M1AP: variants seen among roughly 807,000 people sequenced by gnomAD.
M1AP encodes meiosis 1 associated protein, also known as meiosis 1 arrest protein.
Under a neutral mutation model 51.2 loss-of-function variants are expected in M1AP, and 39 were observed. The ratio of observed to expected loss-of-function variants is 0.76; its 90% CI spans 0.59 to 1.00. The LOEUF is 1.00. M1AP is among the 50% of genes least tolerant of loss of function. The pLI, the probability that M1AP is intolerant of heterozygous loss-of-function variation, is 0.00. For synonymous variants in M1AP, 251 were observed against 249.2 expected (o/e 1.01, Z -0.07); for missense variants, 545 against 641.2 (o/e 0.85, Z 1.62).
intron 4 of M1AP, among the ~76,000 whole-genome samples, chr2:74,593,473 C>T (rs1018950063): frequency 6.6e-6 from 1 of 152,146 alleles, no homozygotes; most frequent in African/African-American, 2.4e-5. Context: ...TTCTACCTTC[C>T]AGACTCAAGT....
intron 4 of M1AP, 122 bp downstream of exon 4, chr2:74,606,933 G>A: frequency 1.9e-6 from 1 of 530,908 alleles, no homozygotes; most frequent in Non-Finnish European, 3.1e-6. Flanking sequence ...TAGGGTACAT[G>A]TGCACAACGT....
At chr2:74,560,042 C>T (rs1677797792) in intron 9 of M1AP, 109 bp downstream of exon 9, 2 of 1,256,432 alleles carry the variant, frequency 1.6e-6, no homozygotes, top group South Asian at 2.8e-5. Context: ...GAAGGCTACT[C>T]CCTTGGATGG....
At chr2:74,583,037 A>T (rs1186246988) in intron 4 of M1AP, among the ~76,000 whole-genome samples, 5 of 151,798 alleles carry the variant, frequency 3.3e-5, no homozygotes, top group African/African-American at 7.2e-5. Flanking sequence ...AATAAATAAA[A>T]TAAATAAAAA....
intron 4 of M1AP, among the ~76,000 whole-genome samples, chr2:74,589,958 T>A (rs1679943410): frequency 6.6e-6 from 1 of 152,244 alleles, no homozygotes; most frequent in Non-Finnish European, 1.5e-5. Context: ...TGATAGCTGA[T>A]GAGCTTAAAA....
intron 2 of M1AP, among the ~76,000 whole-genome samples, chr2:74,622,826 C>G (rs13407946): frequency 6.6e-6 from 1 of 150,490 alleles, no homozygotes; most frequent in Non-Finnish European, 1.5e-5. Flanking sequence ...AAAATATGCA[C>G]GATGAGAGGG....
intron 5 of M1AP, among the ~76,000 whole-genome samples, chr2:74,577,499 G>C (rs1573084953): frequency 6.6e-6 from 1 of 152,214 alleles, no homozygotes; most frequent in Admixed American, 6.5e-5. Context: ...TGAGAAGGCT[G>C]GTAGTTGATG....
intron 7 of M1AP, among the ~76,000 whole-genome samples, chr2:74,567,781 T>C (rs1678484228): frequency 6.6e-6 from 1 of 152,256 alleles, no homozygotes. Flanking sequence ...TTGTGGTCTG[T>C]ATTAATCTAA....
chr2:74,580,378 C>G (rs971647284), intron 5 of M1AP, among the ~76,000 whole-genome samples: 1 of 152,174 alleles, frequency 6.6e-6, no homozygotes, highest in Non-Finnish European at 1.5e-5. Context: ...TTGGTACTAT[C>G]AGCCTTGGAC....
chr2:74,572,014 A>AT (rs1678776313), intron 7 of M1AP, among the ~76,000 whole-genome samples: 2 of 151,796 alleles, frequency 1.3e-5, no homozygotes, highest in Non-Finnish European at 2.9e-5. Context: ...AAAAAAAAAA[A>AT]GAAAGAAAAC....
At chr2:74,627,495 C>T (rs191852177) in intron 2 of M1AP, among the ~76,000 whole-genome samples, 3 of 152,240 alleles carry the variant, frequency 2.0e-5, no homozygotes, top group Admixed American at 2.0e-4. Context: ...TGTATCACTA[C>T]ATCAGTGAAA....
intron 7 of M1AP, 43 bp downstream of exon 7, chr2:74,575,389 GTACTTT>G (rs1233409599): frequency 6.2e-7 from 1 of 1,610,346 alleles, no homozygotes; most frequent in Non-Finnish European, 8.5e-7. Context: ...TCTGTGGTTG[GTACTTT>G]AAAAACGATT....
intron 2 of M1AP, among the ~76,000 whole-genome samples, chr2:74,630,760 G>A (rs971831722): frequency 2.4e-4 from 36 of 152,100 alleles, no homozygotes; most frequent in Admixed American, 2.3e-3. Context: ...TTGGTTCCAA[G>A]TTTTTGCTAT....
At chr2:74,594,727 A>T (rs187566660) in intron 4 of M1AP, among the ~76,000 whole-genome samples, 4 of 152,134 alleles carry the variant, frequency 2.6e-5, no homozygotes, top group Non-Finnish European at 5.9e-5. Context: ...AATTACAAAA[A>T]TTAGCTGGGT....
At chr2:74,638,308 C>T (rs1228852064) in intron 2 of M1AP, among the ~76,000 whole-genome samples, 6 of 152,202 alleles carry the variant, frequency 3.9e-5, no homozygotes, top group African/African-American at 1.4e-4. Flanking sequence ...CAAGCTGGAA[C>T]AATTCTAAGT....
chr2:74,571,096 AT>A (rs1238563660), intron 7 of M1AP, among the ~76,000 whole-genome samples: 4 of 152,192 alleles, frequency 2.6e-5, no homozygotes, highest in African/African-American at 9.7e-5. Context: ...CTTCAAGGAG[AT>A]TAAGCTAGTG....
chr2:74,619,265 G>C (rs1426836924), intron 2 of M1AP: 1 of 191,412 alleles, frequency 5.2e-6, no homozygotes, highest in Non-Finnish European at 1.1e-5. Flanking sequence ...TTTTGTAGTG[G>C]TCTAGAAACA....
intron 4 of M1AP, among the ~76,000 whole-genome samples, chr2:74,602,494 AT>A (rs1389449880): frequency 1.3e-4 from 20 of 152,324 alleles, no homozygotes; most frequent in African/African-American, 4.6e-4. Context: ...TGGAGTAGGA[AT>A]TAATAACTAA....
intron 7 of M1AP, among the ~76,000 whole-genome samples, chr2:74,565,249 G>A (rs1243423985): frequency 2.0e-5 from 3 of 151,848 alleles, no homozygotes; most frequent in Admixed American, 6.6e-5. Flanking sequence ...TTTATTGAGC[G>A]CCTATTATGT....
intron 4 of M1AP, among the ~76,000 whole-genome samples, chr2:74,592,604 T>C (rs529654757): frequency 3.3e-5 from 5 of 152,278 alleles, no homozygotes; most frequent in African/African-American, 1.2e-4. Context: ...TTTTCAGTTG[T>C]CTTTTGACAT....
Sources: allele counts gnomAD v4.1 joint callset (sites outside exome capture counted in the v4.1 genomes callset), GRCh38; gene constraint gnomAD v4.1.1; transcripts MANE v1.5; gene names NCBI Gene and HGNC (gene_info 2026-07-23, HGNC 2026-07-21).